Variants in PRMT8 observed in about 807,000 individuals in gnomAD.
PRMT8 encodes protein arginine N-methyltransferase 8.
PRMT8 carries 7 observed loss-of-function variants against 47.1 expected under a neutral mutation model. The observed-to-expected ratio is 0.15, with a 90% CI of 0.08 to 0.28. The LOEUF (loss-of-function observed/expected upper bound fraction) is 0.28, where lower values mean the gene tolerates loss of function less well. Among genes scored for constraint, PRMT8 ranks in the 10% least tolerant of loss-of-function variants. PRMT8 has a pLI of 1.00. For missense variants in PRMT8, 237 were observed against 505.4 expected, an observed-to-expected ratio of 0.47 and a Z score of 5.09; for synonymous variants, 188 against 186.5, an observed-to-expected ratio of 1.01 and a Z score of -0.07.
In PRMT8 at chr12:3,580,726, G is replaced by A. The variant is rs560025139; in HGVS notation, c.829-2332G>A. Among the ~76,000 whole-genome samples, 2 of 152,128 alleles carry A rather than the reference G, an allele frequency of 1.3e-5. No homozygotes were observed. The highest frequency in any genetic ancestry group is 2.9e-5 in the Non-Finnish European group (2 of 68,022). On this transcript the variant is annotated intron_variant, in intron 7 of 9. Coordinates refer to ENST00000382622, the MANE Select transcript of PRMT8 (RefSeq NM_019854.5). The surrounding 1 kb of genome is among the most constrained non-coding windows in gnomAD (Gnocchi z 4.6). ...TGGAAGGCCATGCTACACTGGTGAC[G>A]GAGGGAACCAAGAAAGAAAGATACC...
At chr12:3,545,498 A>G (rs1043678114) in intron 2 of PRMT8, among the ~76,000 whole-genome samples, 5 of 152,220 alleles carry the variant, frequency 3.3e-5, no homozygotes, top group African/African-American at 7.2e-5. Flanking sequence ...AAGATCAAAG[A>G]TATCAGCCCT....
rs146192046 is a variant in PRMT8 at position 3,423,948 on chromosome 12, G to A, written c.48+42506G>A. 6.2e-3 allele frequency among the ~76,000 whole-genome samples: 938 copies of A among 152,242 alleles called. 14 individuals carry two copies. The highest frequency in any genetic ancestry group is 0.021 in the African/African-American group (875 of 41,532). ...GGTGATTTTTTTGAGCCGGGAATTC[G>A]TCAGGAACTGGGTCTGTAGGTACTA... On this transcript the variant is annotated intron_variant, in intron 1 of 9. Coordinates refer to the PRMT8 transcript ENST00000452611.
intron 1 of PRMT8, among the ~76,000 whole-genome samples, chr12:3,525,210 A>C (rs1454470533): frequency 6.6e-6 from 1 of 152,048 alleles, no homozygotes; most frequent in Non-Finnish European, 1.5e-5. Context: ...TGGCAGAGTG[A>C]GACTCTGTCT....
intron 1 of PRMT8, among the ~76,000 whole-genome samples, chr12:3,529,341 A>G (rs1382654719): frequency 6.6e-6 from 1 of 152,140 alleles, no homozygotes; most frequent in Admixed American, 6.5e-5. Context: ...CTAATGTTCA[A>G]TATCTCAAAA....
At chr12:3,555,216 GA>G in intron 4 of PRMT8, among the ~76,000 whole-genome samples, 1 of 152,212 alleles carries the variant, frequency 6.6e-6, no homozygotes, top group Non-Finnish European at 1.5e-5. Context: ...GACACTCAAA[GA>G]AAAATATCAG....
chr12:3,434,828 A>C (rs1358499422), intron 1 of PRMT8, among the ~76,000 whole-genome samples: 1 of 151,800 alleles, frequency 6.6e-6, no homozygotes, highest in African/African-American at 2.4e-5. Flanking sequence ...TGAAAAGGCA[A>C]GATTGATCGA....
intron 1 of PRMT8, among the ~76,000 whole-genome samples, chr12:3,440,381 G>C (rs1190578364): frequency 6.6e-6 from 1 of 152,146 alleles, no homozygotes; most frequent in Non-Finnish European, 1.5e-5. Flanking sequence ...AGAATTGCTA[G>C]AACCTGGGAG....
intron 1 of PRMT8, among the ~76,000 whole-genome samples, chr12:3,495,608 T>G (rs1391434163): frequency 6.6e-6 from 1 of 152,246 alleles, no homozygotes; most frequent in South Asian, 2.1e-4. Context: ...TCACTTTTCC[T>G]ATTGCAAGAT....
rs1024101613 is a variant in PRMT8 at position 3,456,522 on chromosome 12, C to T, written c.48+75080C>T. On this transcript the variant is annotated intron_variant, in intron 1 of 9. Transcript: ENST00000452611. This position sits in a 1 kb window ranked among gnomAD's most constrained non-coding sequence, Gnocchi z 4.2. ...ACGAGCACACATTCGGCATCACGAG[C>T]GATCTGTTGTGCAGCCCGATCATCC... Among the ~76,000 whole-genome samples the T allele has an allele frequency of 2.0e-5, 3 of 152,178 alleles. No homozygotes were observed. The highest frequency in any genetic ancestry group is 4.4e-5 in the Non-Finnish European group (3 of 68,038).
chr12:3,405,761 C>A (rs1372788520), intron 1 of PRMT8, among the ~76,000 whole-genome samples: 1 of 152,232 alleles, frequency 6.6e-6, no homozygotes, highest in Non-Finnish European at 1.5e-5. Context: ...GCTCCATAGC[C>A]TTGGGCAGCT....
At position 3,572,816 on chromosome 12, in the gene PRMT8, G is replaced by A. The variant is rs538615928; in HGVS notation, c.712+3252G>A. On this transcript the variant is annotated intron_variant, in intron 6 of 9. Coordinates refer to ENST00000382622, the MANE Select transcript of PRMT8 (RefSeq NM_019854.5). This position sits in a 1 kb window ranked among gnomAD's most constrained non-coding sequence, Gnocchi z 5.9. ...TCATCAGAGAAACTCAGATGGTTGG[G>A]GCTGGGGTGGTGAGGGAGGATGTAG... Among the ~76,000 whole-genome samples, 1 of 152,312 alleles carries A rather than the reference G, an allele frequency of 6.6e-6. No homozygotes were observed. Among genetic ancestry groups the A allele is most frequent in the African/African-American group, 2.4e-5 (1 of 41,562 alleles).
chr12:3,526,012 C>G (rs768812329), intron 1 of PRMT8, among the ~76,000 whole-genome samples: 1 of 152,202 alleles, frequency 6.6e-6, no homozygotes, highest in Non-Finnish European at 1.5e-5. Flanking sequence ...TTCTACCCAT[C>G]AAACACCACC....
At chr12:3,464,763 C>T (rs1865075266) in intron 1 of PRMT8, among the ~76,000 whole-genome samples, 1 of 152,136 alleles carries the variant, frequency 6.6e-6, no homozygotes, top group Non-Finnish European at 1.5e-5. Context: ...ACTGTATCAA[C>T]CAATCAGAAC....
intron 4 of PRMT8, among the ~76,000 whole-genome samples, chr12:3,558,961 C>CCTATCTATCTAT (rs61644721): frequency 0.18 from 26,986 of 149,960 alleles, 2,898 homozygotes; most frequent in African/African-American, 0.29. Flanking sequence ...TATCTATCTA[C>CCTATCTATCTAT]CTATCTATCT....
chr12:3,533,133 A>G (rs991652880), intron 1 of PRMT8, among the ~76,000 whole-genome samples: 1 of 152,208 alleles, frequency 6.6e-6, no homozygotes, highest in Admixed American at 6.5e-5. Context: ...GGGGTTCCAA[A>G]TGGGGGACAG....
chr12:3,395,213 C>T (rs1385967897), intron 1 of PRMT8, among the ~76,000 whole-genome samples: 1 of 151,230 alleles, frequency 6.6e-6, no homozygotes, highest in Non-Finnish European at 1.5e-5. Flanking sequence ...CTATTTCCTT[C>T]AGTTCTGTTC....
At chr12:3,483,551 C>T (rs1285790301) in intron 1 of PRMT8, among the ~76,000 whole-genome samples, 2 of 151,956 alleles carry the variant, frequency 1.3e-5, no homozygotes, top group Non-Finnish European at 2.9e-5. Flanking sequence ...TTTTGTTTCT[C>T]CATAGGTGAA....
At chr12:3,412,893 G>A (rs1864446478) in intron 1 of PRMT8, among the ~76,000 whole-genome samples, 1 of 152,182 alleles carries the variant, frequency 6.6e-6, no homozygotes, top group Non-Finnish European at 1.5e-5. Context: ...GATTACAGGT[G>A]TGAGCCACCA....
intron 1 of PRMT8, among the ~76,000 whole-genome samples, chr12:3,474,787 T>A (rs764105831): frequency 6.6e-6 from 1 of 152,114 alleles, no homozygotes; most frequent in Non-Finnish European, 1.5e-5. Context: ...GCTCTTCCCC[T>A]TGCACGGAAT....
Sources: gnomAD v4.1 joint callset for allele counts (sites outside exome capture counted in the v4.1 genomes callset) on GRCh38, gnomAD v4.1.1 for gene constraint, Gnocchi (gnomAD v3.1) non-coding constraint, MANE v1.5 for transcripts, NCBI Gene and HGNC (gene_info 2026-07-23, HGNC 2026-07-21) for gene names.